Variants in ATP6V1C2 observed in about 807,000 individuals in gnomAD.
The protein encoded by ATP6V1C2 is ATPase H+ transporting V1 subunit C2, also known as V-type proton ATPase subunit C 2.
A neutral mutation model predicts 56.8 loss-of-function variants in ATP6V1C2; 45 were observed. The observed-to-expected ratio is 0.79, with a 90% CI of 0.62 to 1.02. ATP6V1C2 has a LOEUF of 1.02. Ranked by LOEUF, ATP6V1C2 falls within the 50% of genes least tolerant of loss-of-function variation. The pLI, the probability that ATP6V1C2 is intolerant of heterozygous loss-of-function variation, is 0.00. For missense variants in ATP6V1C2, 463 were observed against 519.7 expected (o/e 0.89, Z 1.06); for synonymous variants, 220 against 201.3 (o/e 1.09, Z -0.79).
At chr2:10,759,124 G>A (rs1029528042) in intron 4 of ATP6V1C2, among the ~76,000 whole-genome samples, 3 of 152,202 alleles carry the variant, frequency 2.0e-5, no homozygotes, top group African/African-American at 4.8e-5. Context: ...GGGCATTTAG[G>A]GCACCACTGC....
At chr2:10,782,420 C>G (rs978356167) in intron 13 of ATP6V1C2, 45 bp downstream of exon 13, 2 of 1,600,396 alleles carry the variant, frequency 1.2e-6, no homozygotes, top group African/African-American at 2.7e-5. Flanking sequence ...AGCTCAGCAT[C>G]TTACTTTCAA....
upstream of ATP6V1C2, among the ~76,000 whole-genome samples, chr2:10,721,379 G>A (rs1017239259): frequency 6.6e-6 from 1 of 152,136 alleles, no homozygotes; most frequent in Non-Finnish European, 1.5e-5. Flanking sequence ...ACGCGGCAGC[G>A]CAGTCGTGCG....
At chr2:10,769,475 G>A (rs1421812242) in intron 6 of ATP6V1C2, among the ~76,000 whole-genome samples, 6 of 152,014 alleles carry the variant, frequency 3.9e-5, no homozygotes, top group Non-Finnish European at 7.4e-5. Context: ...AGGCTGAGGC[G>A]GGCGGATTAC....
chr2:10,745,080 T>C (rs13002626), intron 3 of ATP6V1C2, among the ~76,000 whole-genome samples: 1 of 140,890 alleles, frequency 7.1e-6, no homozygotes, highest in African/African-American at 2.6e-5. Context: ...ATTTCATTCC[T>C]GTTGCCCAGG....
chr2:10,758,374 T>C lies in ATP6V1C2; in HGVS notation c.283+4308T>C, dbSNP rs569293518. Among the ~76,000 whole-genome samples the C allele has an allele frequency of 1.1e-3, 174 of 152,044 alleles. 1 individual carries two copies. Among genetic ancestry groups the C allele is most frequent in the Non-Finnish European group, 7.6e-4 (52 of 68,034 alleles). ...TCTTCTCAGGAGAAGAAAATTCAGC[T>C]TCATTTGTTGAACGGGCTTTATGAC... On this transcript the variant is annotated intron_variant, in intron 4 of 13. Transcript: ENST00000272238.
In ATP6V1C2 at chr2:10,722,960, C is replaced by T. The variant is rs1322643719; in HGVS notation, c.111C>T (p.Phe37=). 3.1e-6 allele frequency: 5 copies of T among 1,613,872 alleles called. No homozygotes were observed. The highest frequency in any genetic ancestry group is 2.5e-6 in the Non-Finnish European group (3 of 1,179,960). ...SKSNLSYNTK[F]AIPDFKVGTL... The stretch of plus-strand genomic sequence containing the variant: ...CCAACCTGTCTTATAATACCAAATT[C>T]GCTATTCCTGACTTCAAGGTAAAAT... Residue 37 remains phenylalanine, a synonymous_variant, in exon 2 of 14, where the codon TTC becomes TTT. Coordinates refer to ENST00000272238, the MANE Select transcript of ATP6V1C2 (RefSeq NM_001039362.2).
chr2:10,764,442 C>A lies in ATP6V1C2; in HGVS notation c.378+17C>A. ...ATAGCCAAGGTGAGAAAAGGGACTG[C>A]TCTGGGGAACAGCTGACTGGTGGGT... On this transcript the variant is annotated intron_variant, in intron 5 of 13. Transcript: ENST00000272238. The A allele has an allele frequency of 6.2e-7, 1 of 1,607,514 alleles. No homozygotes were observed. The highest frequency in any genetic ancestry group is 1.1e-5 in the South Asian group (1 of 90,918).
At position 10,757,248 on chromosome 2, in the gene ATP6V1C2, G is replaced by A. The variant is rs1051430521; in HGVS notation, c.283+3182G>A. Among the ~76,000 whole-genome samples, 3 of 152,082 alleles carry A rather than the reference G, an allele frequency of 2.0e-5. No homozygotes were observed. The Middle Eastern group carries it at 0.01, about 517-fold the overall frequency. ...GGCTGGTCTTGAACTCCTGACCTCA[G>A]GTGATCCGCCAGCCTCGGCCTCCCA... On this transcript the variant is annotated intron_variant, in intron 4 of 13. Transcript: ENST00000272238.
rs554607719 is a variant in ATP6V1C2 at position 10,764,283 on chromosome 2, G to T, written c.284-48G>T. 7.6e-5 allele frequency: 113 copies of T among 1,486,798 alleles called. No individual in the cohort carries two copies. In the Admixed American group the frequency reaches 1.8e-3, roughly 24 times the overall value. The allele number at this position is 1,486,798 out of a possible 1,614,324, so 92.1% of individuals were successfully genotyped here. ...TTGGGATTCCGAAGTCTCAATCATGGATGCAGAGCGCAGGCTCATGTGTTG... is the reference window on the plus strand; with the variant it reads ...TTGGGATTCCGAAGTCTCAATCATGTATGCAGAGCGCAGGCTCATGTGTTG... On this transcript the variant is annotated intron_variant, in intron 4 of 13. Coordinates refer to ENST00000272238, the MANE Select transcript of ATP6V1C2 (RefSeq NM_001039362.2).
chr2:10,770,691 A>G (rs1664542613), intron 6 of ATP6V1C2, among the ~76,000 whole-genome samples: 2 of 152,210 alleles, frequency 1.3e-5, no homozygotes, highest in African/African-American at 4.8e-5. Context: ...ATTGATCATC[A>G]TTGATTCGCA....
chr2:10,776,366 G>A (rs1664984474), intron 10 of ATP6V1C2, among the ~76,000 whole-genome samples: 1 of 152,112 alleles, frequency 6.6e-6, no homozygotes, highest in African/African-American at 2.4e-5. Flanking sequence ...ACGCTGCTGG[G>A]CTCCGGCTGA....
chr2:10,775,211 T>C, intron 10 of ATP6V1C2, 140 bp downstream of exon 10: 3 of 689,406 alleles, frequency 4.4e-6, no homozygotes, highest in Non-Finnish European at 7.5e-6. Flanking sequence ...CCGTCTGTTC[T>C]CATGGGACGC....
chr2:10,780,537 G>A lies in ATP6V1C2; in HGVS notation c.1062-1706G>A, dbSNP rs1482159832. On this transcript the variant is annotated intron_variant, in intron 12 of 13. Transcript: ENST00000272238. The surrounding 1 kb of genome is among the most constrained non-coding windows in gnomAD (Gnocchi z 4.1). Reference sequence around the variant, plus strand: ...CCATCTCAAAAGCCTGTACCGACACGGATGGCAGCATTGGGTTGGAGGGTG... The same window carrying A: ...CCATCTCAAAAGCCTGTACCGACACAGATGGCAGCATTGGGTTGGAGGGTG... Among the ~76,000 whole-genome samples the A allele has an allele frequency of 2.6e-5, 4 of 152,298 alleles. No homozygotes were observed. The highest frequency in any genetic ancestry group is 2.1e-4 in the South Asian group (1 of 4,824).
At position 10,784,540 on chromosome 2, in the gene ATP6V1C2, C is replaced by A; in HGVS notation, c.*1277C>A. 1.9e-6 allele frequency: 1 copy of A among 515,804 alleles called. No homozygotes were observed. Among genetic ancestry groups the A allele is most frequent in the South Asian group, 2.9e-5 (1 of 34,650 alleles). 32.0% of individuals were successfully genotyped at this position (515,804 alleles called of 1,614,324 possible). ...AACATTTCAACATCACATCACTCAC[C>A]ATTTTAACACTGGAAGCCACTTGAA... On this transcript the variant is annotated 3_prime_UTR_variant, in exon 14 of 14. Transcript: ENST00000272238.
At chr2:10,775,976 G>A (rs1277648529) in intron 10 of ATP6V1C2, among the ~76,000 whole-genome samples, 2 of 152,158 alleles carry the variant, frequency 1.3e-5, no homozygotes, top group Admixed American at 6.5e-5. Flanking sequence ...GGGGAGGAGC[G>A]CCGTGGCCGC....
chr2:10,774,936 G>A, intron 9 of ATP6V1C2, 42 bp from the exon 10 acceptor site: 1 of 1,611,962 alleles, frequency 6.2e-7, no homozygotes. Context: ...CTGCCCCTCT[G>A]GAAAGCTTCT....
Position 10,780,688 on chromosome 2 carries a change from C to T in ATP6V1C2, c.1062-1555C>T, listed in dbSNP as rs576826680. Among the ~76,000 whole-genome samples the T allele has an allele frequency of 6.6e-6, 1 of 152,250 alleles. No homozygotes were observed. The highest frequency in any genetic ancestry group is 2.4e-5 in the African/African-American group (1 of 41,558). On this transcript the variant is annotated intron_variant, in intron 12 of 13. Transcript: ENST00000272238. This position sits in a 1 kb window ranked among gnomAD's most constrained non-coding sequence, Gnocchi z 4.1. ...ACACAGTGAAGCCTGTCCATGCCTT[C>T]CAGGATGCGCATCTGCCCAAGAAAG... is the stretch of plus-strand genomic sequence containing the variant.
In ATP6V1C2 at chr2:10,775,065, A is replaced by G; in HGVS notation, c.819A>G (p.Gln273=). ...CCAGATTGCTGTCTGATAAGAAGCAACAGTATGTGAGTATGTGATTGAGCA... is the reference window on the plus strand; with the variant it reads ...CCAGATTGCTGTCTGATAAGAAGCAGCAGTATGTGAGTATGTGATTGAGCA... The part of the protein sequence containing the change: ...EMARLLSDKK[Q]QYQTSCVALK... Residue 273 remains glutamine, a synonymous_variant, in exon 10 of 14, where the codon CAA becomes CAG. Coordinates refer to ENST00000272238, the MANE Select transcript of ATP6V1C2 (RefSeq NM_001039362.2). 1 of 1,613,262 alleles carries G rather than the reference A, an allele frequency of 6.2e-7. No individual in the cohort carries two copies. Among genetic ancestry groups the G allele is most frequent in the Non-Finnish European group, 8.5e-7 (1 of 1,179,354 alleles).
At chr2:10,778,371 C>T (rs1665133909) in intron 11 of ATP6V1C2, 9 of 583,734 alleles carry the variant, frequency 1.5e-5, no homozygotes, top group South Asian at 7.9e-5. Context: ...GTGGCTGGCC[C>T]GCTGAGCTTC....
Sources: allele counts gnomAD v4.1 joint callset (sites outside exome capture counted in the v4.1 genomes callset), GRCh38; gene constraint gnomAD v4.1.1; non-coding constraint Gnocchi (gnomAD v3.1); transcripts MANE v1.5; gene names NCBI Gene and HGNC (gene_info 2026-07-23, HGNC 2026-07-21).